The following SLC39A11 variants were observed in gnomAD, a reference collection of about 807,000 sequenced individuals.
SLC39A11 encodes zinc transporter ZIP11.
SLC39A11 carries 33 observed loss-of-function variants against 36.1 expected under a neutral mutation model. The observed-to-expected ratio is 0.91, with a 90% CI of 0.69 to 1.22. SLC39A11 has a LOEUF of 1.22. Among genes scored for constraint, SLC39A11 ranks in the 50% most tolerant of loss-of-function variants. SLC39A11 has a pLI of 0.00. For synonymous variants in SLC39A11, 166 were observed against 170.3 expected (o/e 0.97, Z 0.20); for missense variants, 432 against 430.3 (o/e 1.00, Z -0.03).
rs1466863174 is a variant in SLC39A11 at position 73,045,222 on chromosome 17, C to T, written c.148-13508G>A. Among the ~76,000 whole-genome samples the T allele has an allele frequency of 4.6e-5, 7 of 151,934 alleles. No homozygotes were observed. The East Asian group carries it at 1.4e-3, about 29-fold the overall frequency. ...GTTAAACCAGCATGGAAGTCATACC[C>T]AAAGGGACCTCCCAGCATCCATTCT... On this transcript the variant is annotated intron_variant, in intron 3 of 9. Transcript: ENST00000255559.
At chr17:72,858,381 C>T (rs2079771854) in intron 5 of SLC39A11, among the ~76,000 whole-genome samples, 1 of 152,092 alleles carries the variant, frequency 6.6e-6, no homozygotes, top group African/African-American at 2.4e-5. Flanking sequence ...TACTGTAGTC[C>T]TATGGTATAG....
intron 4 of SLC39A11, among the ~76,000 whole-genome samples, chr17:73,012,200 C>T (rs184564705): frequency 5.3e-5 from 8 of 151,950 alleles, no homozygotes; most frequent in Admixed American, 1.3e-4. Flanking sequence ...TGCTTGAACC[C>T]GGGAAGCAGA....
At chr17:72,999,533 T>C (rs1367133858) in intron 4 of SLC39A11, among the ~76,000 whole-genome samples, 6 of 152,214 alleles carry the variant, frequency 3.9e-5, no homozygotes, top group African/African-American at 7.2e-5. Flanking sequence ...CAAGGGTTTA[T>C]TGAGCCTTAT....
chr17:72,921,219 G>C (rs1459574096), intron 5 of SLC39A11, among the ~76,000 whole-genome samples: 1 of 152,148 alleles, frequency 6.6e-6, no homozygotes, highest in East Asian at 1.9e-4. Flanking sequence ...ACAAACCATA[G>C]GACTATGCTT....
intron 5 of SLC39A11, among the ~76,000 whole-genome samples, chr17:72,889,269 C>T (rs1164324081): frequency 2.0e-5 from 3 of 152,128 alleles, no homozygotes; most frequent in South Asian, 2.1e-4. Context: ...AATCCCAGCA[C>T]TTTGGGAGGC....
intron 7 of SLC39A11, among the ~76,000 whole-genome samples, chr17:72,658,691 T>C (rs2070264004): frequency 6.6e-6 from 1 of 152,154 alleles, no homozygotes; most frequent in Non-Finnish European, 1.5e-5. Context: ...CAGTCAAACA[T>C]ATGAGTCAAA....
At chr17:72,746,752 T>A (rs1284454307) in intron 6 of SLC39A11, among the ~76,000 whole-genome samples, 2 of 140,954 alleles carry the variant, frequency 1.4e-5, no homozygotes, top group African/African-American at 5.3e-5. Context: ...TAAAATAAAA[T>A]AAAATAAAAA....
intron 6 of SLC39A11, among the ~76,000 whole-genome samples, chr17:72,764,733 T>C (rs888862913): frequency 3.9e-5 from 6 of 152,134 alleles, no homozygotes; most frequent in East Asian, 3.9e-4. Context: ...CTATACCTTA[T>C]GGAAGCTATA....
At position 72,825,650 on chromosome 17, in the gene SLC39A11, C is replaced by T. The variant is rs75708001; in HGVS notation, c.601+23984G>A. Among the ~76,000 whole-genome samples the T allele has an allele frequency of 1.9e-4, 29 of 152,346 alleles. No homozygotes were observed. In the East Asian group the frequency reaches 3.1e-3, roughly 16 times the overall value. On this transcript the variant is annotated intron_variant, in intron 6 of 9. Coordinates refer to ENST00000255559, the MANE Select transcript of SLC39A11 (RefSeq NM_139177.4). The stretch of plus-strand genomic sequence containing the variant: ...TGGAAAAGCAGCCAAGAGGCTGTAC[C>T]GCGCAGAGCCAAAGGGGCGGAGATG...
chr17:72,722,636 T>A, intron 7 of SLC39A11, among the ~76,000 whole-genome samples: 1 of 133,496 alleles, frequency 7.5e-6, no homozygotes, highest in African/African-American at 3.6e-5. Context: ...TAAATAACAC[T>A]TTTTTTTTTC....
intron 5 of SLC39A11, among the ~76,000 whole-genome samples, chr17:72,891,651 T>C (rs2081750786): frequency 6.6e-6 from 1 of 152,082 alleles, no homozygotes; most frequent in Non-Finnish European, 1.5e-5. Flanking sequence ...TACCTCGCTT[T>C]TACTTCCCTC....
At chr17:72,778,215 T>A (rs114285700) in intron 6 of SLC39A11, among the ~76,000 whole-genome samples, 2 of 152,274 alleles carry the variant, frequency 1.3e-5, no homozygotes, top group African/African-American at 4.8e-5. Context: ...CATTGTCTCA[T>A]TTATCCCATG....
intron 5 of SLC39A11, among the ~76,000 whole-genome samples, chr17:72,857,023 T>C (rs779026261): frequency 1.6e-4 from 25 of 152,206 alleles, no homozygotes; most frequent in Non-Finnish European, 3.4e-4. Context: ...ATGTGCAGGT[T>C]TGTTATACAG....
At chr17:72,967,744 C>T (rs2087116122) in intron 4 of SLC39A11, among the ~76,000 whole-genome samples, 1 of 152,172 alleles carries the variant, frequency 6.6e-6, no homozygotes, top group African/African-American at 2.4e-5. Flanking sequence ...CACTGTGCAC[C>T]TTCAGAGTGG....
At chr17:72,677,950 G>A (rs936942791) in intron 7 of SLC39A11, among the ~76,000 whole-genome samples, 20 of 152,138 alleles carry the variant, frequency 1.3e-4, no homozygotes, top group Admixed American at 3.3e-4. Context: ...CAGTGCTCCC[G>A]TGTTCTCCTC....
At chr17:72,776,640 G>C (rs2082274) in intron 6 of SLC39A11, among the ~76,000 whole-genome samples, 66,896 of 146,838 alleles carry the variant, frequency 0.46, 19,082 homozygotes, top group Non-Finnish European at 0.64. Context: ...CAGAAGACAG[G>C]CTGTTGGTAA....
At chr17:72,887,705 A>C (rs974013998) in intron 5 of SLC39A11, among the ~76,000 whole-genome samples, 3 of 152,242 alleles carry the variant, frequency 2.0e-5, no homozygotes, top group African/African-American at 7.2e-5. Context: ...AGGGAATTCA[A>C]AGAGCAGAAA....
At chr17:72,780,520 T>G (rs1357493448) in intron 6 of SLC39A11, among the ~76,000 whole-genome samples, 8 of 55,562 alleles carry the variant, frequency 1.4e-4, no homozygotes, top group African/African-American at 2.1e-4. Context: ...GCCCTGAAGA[T>G]GGGGGGCGGG....
At chr17:72,928,931 G>A (rs113705464) in intron 5 of SLC39A11, among the ~76,000 whole-genome samples, 1 of 152,224 alleles carries the variant, frequency 6.6e-6, no homozygotes, top group Non-Finnish European at 1.5e-5. Flanking sequence ...CCCAGAAGCA[G>A]TAGGAAGTCG....
Sources: allele counts gnomAD v4.1 joint callset (sites outside exome capture counted in the v4.1 genomes callset), GRCh38; gene constraint gnomAD v4.1.1; transcripts MANE v1.5; gene names NCBI Gene and HGNC (gene_info 2026-07-23, HGNC 2026-07-21).